Variants in PGBD2 observed in about 807,000 individuals in gnomAD.
PGBD2 encodes the protein piggyBac transposable element derived 2.
A neutral mutation model predicts 8.1 loss-of-function variants in PGBD2; 6 were observed. The ratio of observed to expected loss-of-function variants is 0.74; its 90% CI spans 0.40 to 1.46. PGBD2 has a LOEUF of 1.46. Ranked by LOEUF, PGBD2 falls within the 40% of genes most tolerant of loss-of-function variation. The pLI is 0.02. For missense variants in PGBD2, 802 were observed against 739.0 expected (o/e 1.09, Z -0.99); for synonymous variants, 318 against 272.2 (o/e 1.17, Z -1.66).
Position 248,917,502 on chromosome 1 carries a change from G to C in PGBD2, c.918G>C (p.Leu306Phe). The C allele has an allele frequency of 6.2e-7, 1 of 1,614,150 alleles. No homozygotes were observed. Among genetic ancestry groups the C allele is most frequent in the Non-Finnish European group, 8.5e-7 (1 of 1,180,022 alleles). ...GTGGGACAACCAGCAGAGGCTACTT[G>C]GTGTGGTTTGAGCCCTCACAGGGCA... Reference protein sequence around the residue: ...IWCGTTSRGYLVWFEPSQGTL... With the variant: ...IWCGTTSRGYFVWFEPSQGTL... The change falls in exon 3 of 3, where the codon TTG (leucine) becomes TTC (phenylalanine). Residue 306 changes from leucine (L) to phenylalanine (F), a missense_variant. Transcript: ENST00000329291.
chr1:248,881,623 C>T, the PGBD2 span, among the ~76,000 whole-genome samples: 3 of 152,272 alleles, frequency 2.0e-5, no homozygotes, highest in African/African-American at 7.2e-5. Flanking sequence ...ATGCTCTTGG[C>T]ATTTTAGTTG....
Position 248,914,326 on chromosome 1 carries a change from G to C in PGBD2, c.17+447G>C, listed in dbSNP as rs1439834913. 9 of 869,950 alleles carry C rather than the reference G, an allele frequency of 1.0e-5. No individual in the cohort carries two copies. The Admixed American group carries it at 5.0e-4, about 48-fold the overall frequency. The allele number at this position is 869,950 out of a possible 1,614,324, so 53.9% of individuals were successfully genotyped here. A position where few individuals can be genotyped will look rare whatever the true frequency, so the allele number is the denominator to read the frequency against. On this transcript the variant is annotated intron_variant, in intron 2 of 2. Coordinates refer to ENST00000329291, the MANE Select transcript of PGBD2 (RefSeq NM_170725.3). Reference sequence around the variant, plus strand: ...GGCTCTGCCCCTGTGAACTGGGTGAGGACAGGTCAGGAAAGCGTGAAGATG... The same window carrying C: ...GGCTCTGCCCCTGTGAACTGGGTGACGACAGGTCAGGAAAGCGTGAAGATG...
the PGBD2 span, among the ~76,000 whole-genome samples, chr1:248,927,436 A>C: frequency 0.018 from 2,680 of 152,328 alleles, 94 homozygotes; most frequent in African/African-American, 0.061. Flanking sequence ...AATAGGTAGC[A>C]TTCTAAACAG....
chr1:248,872,865 G>A, the PGBD2 span, among the ~76,000 whole-genome samples: 1 of 152,218 alleles, frequency 6.6e-6, no homozygotes, highest in Non-Finnish European at 1.5e-5. Context: ...TTACAGGCAT[G>A]AGCCACCGCG....
At chr1:248,914,170 G>A (rs1272244034) in intron 2 of PGBD2, among the ~76,000 whole-genome samples, 2 of 152,184 alleles carry the variant, frequency 1.3e-5, no homozygotes, top group African/African-American at 2.4e-5. Flanking sequence ...TACTCCTGGG[G>A]CCACCTCAGT....
At chr1:248,912,930 G>C (rs1187452938) in intron 1 of PGBD2, 2 of 151,836 alleles carry the variant, frequency 1.3e-5, no homozygotes, top group Non-Finnish European at 2.9e-5. Flanking sequence ...AGCCTCCTGA[G>C]TAGCTGGGAT....
downstream of PGBD2, among the ~76,000 whole-genome samples, chr1:248,922,175 T>A (rs902857709): frequency 3.3e-5 from 5 of 151,648 alleles, no homozygotes; most frequent in Non-Finnish European, 7.4e-5. Context: ...TTCTCCTGCC[T>A]CAGTCTCCCG....
At chr1:248,929,021 G>A in the PGBD2 span, among the ~76,000 whole-genome samples, 4 of 152,220 alleles carry the variant, frequency 2.6e-5, no homozygotes, top group East Asian at 7.7e-4. Context: ...TCCTTCAAAT[G>A]CTACTGTAGA....
chr1:248,890,942 A>C, the PGBD2 span, among the ~76,000 whole-genome samples: 1 of 150,698 alleles, frequency 6.6e-6, no homozygotes, highest in African/African-American at 2.5e-5. Context: ...CCCACCCCCG[A>C]CACAGCCACA....
At chr1:248,926,528 T>G in the PGBD2 span, among the ~76,000 whole-genome samples, 1 of 152,180 alleles carries the variant, frequency 6.6e-6, no homozygotes, top group Non-Finnish European at 1.5e-5. Flanking sequence ...TTTGAAAGCT[T>G]CTTTTGGTCT....
At chr1:248,903,434 C>G (rs1362610909), upstream of PGBD2, among the ~76,000 whole-genome samples, 2 of 152,180 alleles carry the variant, frequency 1.3e-5, no homozygotes, top group African/African-American at 4.8e-5. Context: ...GGCGATTCTC[C>G]CACCTCAGGC....
chr1:248,882,271 G>A, the PGBD2 span, among the ~76,000 whole-genome samples: 1 of 152,122 alleles, frequency 6.6e-6, no homozygotes, highest in Admixed American at 6.6e-5. Context: ...GGGATTTAGG[G>A]TCATTTGATT....
the PGBD2 span, among the ~76,000 whole-genome samples, chr1:248,890,953 CCT>C: frequency 6.6e-6 from 1 of 151,492 alleles, no homozygotes; most frequent in Non-Finnish European, 1.5e-5. Flanking sequence ...CACAGCCACA[CCT>C]CTCTACACAC....
At chr1:248,928,921 A>T in the PGBD2 span, among the ~76,000 whole-genome samples, 1 of 152,330 alleles carries the variant, frequency 6.6e-6, no homozygotes, top group Admixed American at 6.5e-5. Flanking sequence ...GAAGGAACCT[A>T]AGAAATTCAT....
At chr1:248,895,882 T>C in the PGBD2 span, among the ~76,000 whole-genome samples, 2 of 151,774 alleles carry the variant, frequency 1.3e-5, no homozygotes, top group Admixed American at 1.3e-4. Context: ...GAGACAGGGT[T>C]TCACCATGTT....
At chr1:248,889,453 G>A in the PGBD2 span, among the ~76,000 whole-genome samples, 5 of 152,098 alleles carry the variant, frequency 3.3e-5, no homozygotes, top group Admixed American at 2.6e-4. Context: ...AATGTTTTCC[G>A]TTTAATATTG....
rs568863177 is a variant in PGBD2, at chr1:248,909,799, G to C, written c.-48+3457G>C. On this transcript the variant is annotated intron_variant, in intron 1 of 2. Coordinates refer to ENST00000329291, the MANE Select transcript of PGBD2 (RefSeq NM_170725.3). The stretch of plus-strand genomic sequence containing the variant: ...AGAAGAAAGCAAAGCAGTCAGGCCA[G>C]AGTAGGGAACCTGAGGGAGACAGGA... Among the ~76,000 whole-genome samples the C allele has an allele frequency of 2.2e-4, 33 of 152,340 alleles. No homozygotes were observed. In the South Asian group the frequency reaches 6.8e-3, roughly 32 times the overall value.
At chr1:248,877,449 C>T in the PGBD2 span, among the ~76,000 whole-genome samples, 4 of 152,092 alleles carry the variant, frequency 2.6e-5, no homozygotes, top group African/African-American at 9.7e-5. Context: ...AGCATGCACA[C>T]AAATTTATTT....
chr1:248,921,339 A>G (rs1427447981), downstream of PGBD2, among the ~76,000 whole-genome samples: 1 of 152,200 alleles, frequency 6.6e-6, no homozygotes, highest in Non-Finnish European at 1.5e-5. Flanking sequence ...GAAGGGGTCC[A>G]GTTTCAGTTT....
Sources: allele counts gnomAD v4.1 joint callset (sites outside exome capture counted in the v4.1 genomes callset), GRCh38; gene constraint gnomAD v4.1.1; transcripts MANE v1.5; gene names NCBI Gene and HGNC (gene_info 2026-07-23, HGNC 2026-07-21).